MAD1L1: variants seen among roughly 807,000 people sequenced by gnomAD.
The protein encoded by MAD1L1 is mitotic spindle assembly checkpoint protein MAD1.
A neutral mutation model predicts 96.9 loss-of-function variants in MAD1L1; 95 were observed. That is an observed-to-expected ratio of 0.98 (90% confidence interval 0.83 to 1.16). The LOEUF is 1.16. Among genes scored for constraint, MAD1L1 ranks in the 50% most tolerant of loss-of-function variants. MAD1L1 has a pLI of 0.00. For missense variants in MAD1L1, 1,007 were observed against 954.4 expected (o/e 1.06, Z -0.73); for synonymous variants, 473 against 396.6 (o/e 1.19, Z -2.29).
intron 10 of MAD1L1, among the ~76,000 whole-genome samples, chr7:2,182,485 G>T (rs758883201): frequency 4.6e-5 from 7 of 151,672 alleles, no homozygotes; most frequent in Non-Finnish European, 8.8e-5. Flanking sequence ...CCACTCAAGA[G>T]AAGTGAAAAA....
chr7:1,898,517 G>T, intron 17 of MAD1L1, 127 bp from the exon 18 acceptor site: 1 of 720,080 alleles, frequency 1.4e-6, no homozygotes, highest in Non-Finnish European at 2.3e-6. Flanking sequence ...GACACAGCAA[G>T]CCCCCGTGTC....
chr7:2,055,796 T>C (rs1393392123), intron 12 of MAD1L1, among the ~76,000 whole-genome samples: 2 of 151,358 alleles, frequency 1.3e-5, no homozygotes, highest in Non-Finnish European at 2.9e-5. Context: ...CTGACCAATA[T>C]GGCAAAACCC....
chr7:2,073,122 C>T (rs1043088433), intron 11 of MAD1L1, among the ~76,000 whole-genome samples: 5 of 152,212 alleles, frequency 3.3e-5, no homozygotes, highest in East Asian at 1.9e-4. Flanking sequence ...TGAGGCAGGA[C>T]GGCAGGCACC....
intron 18 of MAD1L1, among the ~76,000 whole-genome samples, chr7:1,842,301 G>A (rs866815542): frequency 2.0e-5 from 3 of 152,192 alleles, no homozygotes; most frequent in African/African-American, 7.2e-5. Context: ...CTCCCGCTCC[G>A]TGTGGCCGCA....
In MAD1L1 at chr7:2,103,120, C is replaced by T. The variant is rs998524621; in HGVS notation, c.1074-33782G>A. On this transcript the variant is annotated intron_variant, in intron 11 of 18. Coordinates refer to ENST00000265854, the MANE Select transcript of MAD1L1 (RefSeq NM_001013836.2). The surrounding 1 kb of genome is among the most constrained non-coding windows in gnomAD (Gnocchi z 4.3). ...GTCCTCTCCCACCTCAGGGCCCCTG[C>T]GCTTGCTGCTGCCTCTGCCTGGAAC... 3.9e-5 allele frequency among the ~76,000 whole-genome samples: 6 copies of T among 152,172 alleles called. No individual in the cohort carries two copies. Among genetic ancestry groups the T allele is most frequent in the African/African-American group, 1.2e-4 (5 of 41,444 alleles).
chr7:2,141,736 C>A (rs1475682250), intron 11 of MAD1L1, among the ~76,000 whole-genome samples: 2 of 152,172 alleles, frequency 1.3e-5, no homozygotes, highest in African/African-American at 2.4e-5. Context: ...GAGGAGCGGG[C>A]GGCTGCACAT....
At chr7:1,819,831 G>C (rs933004274) in intron 18 of MAD1L1, among the ~76,000 whole-genome samples, 4 of 152,108 alleles carry the variant, frequency 2.6e-5, no homozygotes, top group African/African-American at 9.6e-5. Context: ...GGAGGCCAAG[G>C]GGGAAGTGTG....
chr7:2,031,933 C>T (rs986939255), intron 12 of MAD1L1, among the ~76,000 whole-genome samples: 1 of 152,266 alleles, frequency 6.6e-6, no homozygotes, highest in Non-Finnish European at 1.5e-5. Context: ...TTCCTTTCCT[C>T]TCTAGGCCTC....
intron 16 of MAD1L1, among the ~76,000 whole-genome samples, chr7:1,939,682 A>G (rs887319896): frequency 1.5e-4 from 23 of 152,202 alleles, no homozygotes; most frequent in Non-Finnish European, 3.2e-4. Context: ...GAACAGGGAA[A>G]CACATCCTGT....
rs117187635 is a variant in MAD1L1 at position 1,902,353 on chromosome 7, C to A, written c.1808-3963G>T. Reference sequence around the variant, plus strand: ...AAGAGGCCCAGTTCACAGCCTGAAACGCAGAAAATGCTTCTACCTTGGCAG... The same window carrying A: ...AAGAGGCCCAGTTCACAGCCTGAAAAGCAGAAAATGCTTCTACCTTGGCAG... On this transcript the variant is annotated intron_variant, in intron 17 of 18. Transcript: ENST00000265854. 3.3e-5 allele frequency among the ~76,000 whole-genome samples: 5 copies of A among 152,292 alleles called. No individual in the cohort carries two copies. In the East Asian group the frequency reaches 9.6e-4, roughly 29 times the overall value.
intron 18 of MAD1L1, among the ~76,000 whole-genome samples, chr7:1,862,909 C>T (rs1010267034): frequency 2.6e-5 from 4 of 152,246 alleles, no homozygotes; most frequent in African/African-American, 7.2e-5. Flanking sequence ...GAAAGGGGCC[C>T]GCAGGGTCAG....
At chr7:2,104,902 C>G (rs55807033) in intron 11 of MAD1L1, among the ~76,000 whole-genome samples, 4,124 of 152,286 alleles carry the variant, frequency 0.027, 98 homozygotes, top group South Asian at 0.09. Context: ...TAGGTCCCCC[C>G]GCAAGCCCTG....
intron 10 of MAD1L1, among the ~76,000 whole-genome samples, chr7:2,153,334 T>C (rs1199783243): frequency 6.6e-6 from 1 of 151,534 alleles, no homozygotes. Context: ...GAAACTCAAA[T>C]AACAACAATT....
intron 18 of MAD1L1, among the ~76,000 whole-genome samples, chr7:1,883,924 G>C (rs926922672): frequency 6.6e-6 from 1 of 152,206 alleles, no homozygotes; most frequent in South Asian, 2.1e-4. Context: ...GAGCCTCCTG[G>C]ATACCCGGGC....
chr7:2,078,265 TC>T (rs1317550743), intron 11 of MAD1L1, among the ~76,000 whole-genome samples: 2 of 152,098 alleles, frequency 1.3e-5, no homozygotes, highest in East Asian at 3.9e-4. Context: ...ACCTGCAGGA[TC>T]CCCCACGTCA....
At chr7:2,204,206 A>G (rs56339510) in intron 10 of MAD1L1, among the ~76,000 whole-genome samples, 1 of 152,124 alleles carries the variant, frequency 6.6e-6, no homozygotes, top group African/African-American at 2.4e-5. Flanking sequence ...TCCCTCCCCA[A>G]ATGAAGGCTG....
intron 17 of MAD1L1, among the ~76,000 whole-genome samples, chr7:1,910,039 T>C (rs1286890303): frequency 2.6e-5 from 4 of 152,060 alleles, no homozygotes; most frequent in Non-Finnish European, 4.4e-5. Flanking sequence ...ACAAAACTGA[T>C]ATGAAAAGAC....
intron 17 of MAD1L1, among the ~76,000 whole-genome samples, chr7:1,910,632 C>T (rs963476778): frequency 6.6e-6 from 1 of 152,246 alleles, no homozygotes; most frequent in Non-Finnish European, 1.5e-5. Context: ...TTTGCTTTCT[C>T]CCTAGAGCTC....
At chr7:2,059,703 G>GCTC (rs1295988595) in intron 12 of MAD1L1, among the ~76,000 whole-genome samples, 1 of 151,784 alleles carries the variant, frequency 6.6e-6, no homozygotes, top group Non-Finnish European at 1.5e-5. Context: ...CGTAGCCAGG[G>GCTC]GAGAAGAGAG....
Sources: gnomAD v4.1 joint callset for allele counts (sites outside exome capture counted in the v4.1 genomes callset) on GRCh38, gnomAD v4.1.1 for gene constraint, Gnocchi (gnomAD v3.1) non-coding constraint, MANE v1.5 for transcripts, NCBI Gene and HGNC (gene_info 2026-07-23, HGNC 2026-07-21) for gene names.